ITSN1: variants seen among roughly 807,000 people sequenced by gnomAD.
The protein encoded by ITSN1 is intersectin 1.
In ITSN1, 58 loss-of-function variants were observed where a neutral mutation model predicts 239.8. The ratio of observed to expected loss-of-function variants is 0.24; its 90% CI spans 0.20 to 0.30. ITSN1 has a LOEUF of 0.30. Ranked by LOEUF, ITSN1 falls within the 10% of genes least tolerant of loss-of-function variation. The pLI, the probability that ITSN1 is intolerant of heterozygous loss-of-function variation, is 1.00. For synonymous variants in ITSN1, 780 were observed against 770.8 expected, an observed-to-expected ratio of 1.01 and a Z score of -0.20; for missense variants, 1,558 against 2,103.3, an observed-to-expected ratio of 0.74 and a Z score of 5.07.
chr21:33,654,793 A>G (rs2088891093), intron 1 of ITSN1, among the ~76,000 whole-genome samples: 1 of 152,212 alleles, frequency 6.6e-6, no homozygotes, highest in Non-Finnish European at 1.5e-5. Context: ...GATGGGGAGA[A>G]TAAAGTAACT....
intron 29 of ITSN1, among the ~76,000 whole-genome samples, chr21:33,854,801 G>T (rs937076754): frequency 5.9e-5 from 9 of 152,308 alleles, no homozygotes; most frequent in African/African-American, 1.7e-4. Flanking sequence ...AAAAGTGCGA[G>T]CTCACCTTGC....
Position 33,856,597 on chromosome 21 carries a change from G to C in ITSN1, c.3662-139G>C, listed in dbSNP as rs1359930295. On this transcript the variant is annotated intron_variant, in intron 29 of 39. Coordinates refer to ENST00000381318, the MANE Select transcript of ITSN1 (RefSeq NM_003024.3). ...GGGGTAGGGCTTCCACATATTACTG[G>C]GGAGGACACATTTCAGCCCATGACC... The C allele has an allele frequency of 3.6e-6, 4 of 1,118,114 alleles. No homozygotes were observed. In the East Asian group the frequency reaches 7.2e-5, roughly 20 times the overall value. 69.3% of individuals were successfully genotyped at this position (1,118,114 alleles called of 1,614,324 possible).
chr21:33,645,966 G>T (rs2146048979), intron 1 of ITSN1, among the ~76,000 whole-genome samples: 1 of 152,322 alleles, frequency 6.6e-6, no homozygotes, highest in Non-Finnish European at 1.5e-5. Flanking sequence ...CAGAGGCTTT[G>T]GTTCACCCCT....
intron 33 of ITSN1, among the ~76,000 whole-genome samples, chr21:33,868,689 C>A (rs542651744): frequency 5.7e-4 from 87 of 152,346 alleles, no homozygotes; most frequent in Non-Finnish European, 1.1e-3. Flanking sequence ...GGTTCCTGCT[C>A]GCGCCTCTCC....
intron 34 of ITSN1, among the ~76,000 whole-genome samples, chr21:33,878,973 CAT>C (rs1325219383): frequency 6.6e-6 from 1 of 152,116 alleles, no homozygotes; most frequent in Non-Finnish European, 1.5e-5. Flanking sequence ...GCTGTGGCGA[CAT>C]GTGACAGGAG....
intron 1 of ITSN1, among the ~76,000 whole-genome samples, chr21:33,705,361 A>G (rs2834250): frequency 0.099 from 15,041 of 152,196 alleles, 997 homozygotes; most frequent in Middle Eastern, 0.16. Context: ...TAGTGCTCTG[A>G]CTCAAAAATT....
intron 16 of ITSN1, among the ~76,000 whole-genome samples, chr21:33,788,628 G>A (rs2070855966): frequency 6.6e-6 from 1 of 152,184 alleles, no homozygotes; most frequent in African/African-American, 2.4e-5. Context: ...CTGCTCGGGA[G>A]GCTGAGGCAG....
intron 32 of ITSN1, among the ~76,000 whole-genome samples, chr21:33,866,806 T>C (rs933386433): frequency 2.0e-4 from 31 of 152,126 alleles, no homozygotes; most frequent in Non-Finnish European, 2.2e-4. Flanking sequence ...AACTAGACAA[T>C]GAGATTTAGC....
chr21:33,686,679 C>G (rs1018668496), intron 1 of ITSN1, among the ~76,000 whole-genome samples: 2 of 152,154 alleles, frequency 1.3e-5, no homozygotes, highest in Admixed American at 1.3e-4. Flanking sequence ...TTTCCCCTTT[C>G]CATTTTATAT....
At position 33,886,300 on chromosome 21, in the gene ITSN1, G is replaced by T. The variant is rs760597542; in HGVS notation, c.4857G>T (p.Pro1619=). 3 of 1,613,546 alleles carry T rather than the reference G, an allele frequency of 1.9e-6. No homozygotes were observed. The highest frequency in any genetic ancestry group is 2.5e-6 in the Non-Finnish European group (3 of 1,179,916). Residue 1619 remains proline (P), a synonymous_variant, in exon 39 of 40, where the codon CCG becomes CCT. Coordinates refer to ENST00000381318, the MANE Select transcript of ITSN1 (RefSeq NM_003024.3). ...KPCRSHGKSN[P]YCEVTMGSQC... is the part of the protein sequence containing the mutation. ...TGTTCCCTCCAGGAAAGAGCAACCCGTACTGTGAGGTGACCATGGGTTCCC... is the reference window on the plus strand; with the variant it reads ...TGTTCCCTCCAGGAAAGAGCAACCCTTACTGTGAGGTGACCATGGGTTCCC...
intron 16 of ITSN1, among the ~76,000 whole-genome samples, chr21:33,787,409 G>C (rs2070758839): frequency 6.6e-6 from 1 of 152,092 alleles, no homozygotes. Flanking sequence ...GGAAATCCAG[G>C]CTTCTAAAAT....
Position 33,865,355 on chromosome 21 carries a change from G to A in ITSN1, c.4074+21G>A. On this transcript the variant is annotated intron_variant, in intron 32 of 39. Coordinates refer to ENST00000381318, the MANE Select transcript of ITSN1 (RefSeq NM_003024.3). The surrounding 1 kb of genome is among the most constrained non-coding windows in gnomAD (Gnocchi z 4.4). ...TCAAAGTAAGGAGCCAGGCTGTGCAGAGACTGGGCCCCAGAGTGGCGATCT... is the reference window on the plus strand; with the variant it reads ...TCAAAGTAAGGAGCCAGGCTGTGCAAAGACTGGGCCCCAGAGTGGCGATCT... 2.0e-6 allele frequency: 3 copies of A among 1,512,132 alleles called. No homozygotes were observed. Among genetic ancestry groups the A allele is most frequent in the South Asian group, 2.5e-5 (2 of 78,438 alleles). The allele number at this position is 1,512,132 out of a possible 1,614,324, so 93.7% of individuals were successfully genotyped here. A position where few individuals can be genotyped will look rare whatever the true frequency, so the allele number is the denominator to read the frequency against.
chr21:33,649,835 T>C (rs1431926007), intron 1 of ITSN1, among the ~76,000 whole-genome samples: 1 of 151,816 alleles, frequency 6.6e-6, no homozygotes, highest in Non-Finnish European at 1.5e-5. Context: ...GCCAACATGG[T>C]GAAACCCCAT....
intron 27 of ITSN1, among the ~76,000 whole-genome samples, chr21:33,832,957 C>T (rs892359668): frequency 6.6e-6 from 1 of 152,092 alleles, no homozygotes; most frequent in African/African-American, 2.4e-5. Context: ...GTCTCCCTCC[C>T]ACCTTGTCCC....
intron 17 of ITSN1, among the ~76,000 whole-genome samples, chr21:33,795,165 T>C (rs2071440031): frequency 6.6e-6 from 1 of 152,130 alleles, no homozygotes; most frequent in South Asian, 2.1e-4. Context: ...TGAAATTAGA[T>C]TAAGGCCAGG....
chr21:33,674,901 T>C (rs2090502632), intron 1 of ITSN1, among the ~76,000 whole-genome samples: 3 of 152,178 alleles, frequency 2.0e-5, no homozygotes, highest in Admixed American at 2.0e-4. Flanking sequence ...ACTTTTGTTT[T>C]TGTTTTGCCA....
rs148344411 is a variant in ITSN1 at position 33,886,327 on chromosome 21, G to A, written c.4884G>A (p.Gln1628=). Residue 1628 remains glutamine, a synonymous_variant, in exon 39 of 40, where the codon CAG becomes CAA. Coordinates refer to ENST00000381318, the MANE Select transcript of ITSN1 (RefSeq NM_003024.3). The part of the protein sequence containing the change: ...NPYCEVTMGS[Q]CHITKTIQDT... ...ACTGTGAGGTGACCATGGGTTCCCA[G>A]TGCCACATCACCAAGACGATCCAGG... 434 of 1,614,038 alleles carry A rather than the reference G, an allele frequency of 2.7e-4. 2 individuals carry two copies. The Middle Eastern group carries it at 6.6e-3, about 25-fold the overall frequency.
At chr21:33,739,775 G>A (rs1467261462) in intron 5 of ITSN1, among the ~76,000 whole-genome samples, 2 of 152,202 alleles carry the variant, frequency 1.3e-5, no homozygotes, top group African/African-American at 4.8e-5. Context: ...TGCGAGGGGC[G>A]TCGTAGCTGA....
At chr21:33,805,972 T>G (rs2072399932) in intron 20 of ITSN1, among the ~76,000 whole-genome samples, 1 of 138,246 alleles carries the variant, frequency 7.2e-6, no homozygotes, top group Non-Finnish European at 1.5e-5. Flanking sequence ...GGGAGGCCGA[T>G]GTGGGCGGAT....
Sources: gnomAD v4.1 joint callset for allele counts (sites outside exome capture counted in the v4.1 genomes callset) on GRCh38, gnomAD v4.1.1 for gene constraint, Gnocchi (gnomAD v3.1) non-coding constraint, MANE v1.5 for transcripts, NCBI Gene and HGNC (gene_info 2026-07-23, HGNC 2026-07-21) for gene names.